Variants in SLC40A1 observed in about 807,000 individuals in gnomAD.
SLC40A1 encodes the protein ferroportin.
In SLC40A1, 16 loss-of-function variants were observed where a neutral mutation model predicts 53.5. That is an observed-to-expected ratio of 0.30 (90% CI 0.20 to 0.45). The LOEUF (loss-of-function observed/expected upper bound fraction) is 0.45. Ranked by LOEUF, SLC40A1 falls within the 20% of genes least tolerant of loss-of-function variation. The pLI is 1.00. For missense variants in SLC40A1, 545 were observed against 695.4 expected (o/e 0.78, Z 2.43); for synonymous variants, 247 against 253.2 (o/e 0.98, Z 0.23).
chr2:189,565,689 G>A, intron 5 of SLC40A1, 90 bp from the exon 6 acceptor site: 1 of 1,530,676 alleles, frequency 6.5e-7, no homozygotes, highest in South Asian at 1.1e-5. Flanking sequence ...TAAACCAAGA[G>A]TATAGATTCC....
intron 7 of SLC40A1, 36 bp downstream of exon 7, chr2:189,563,548 C>T: frequency 6.3e-7 from 1 of 1,588,324 alleles, no homozygotes; most frequent in Non-Finnish European, 8.6e-7. Flanking sequence ...CAAAAAGACA[C>T]TTTAGTTCAT....
In SLC40A1 at chr2:189,565,324, C is replaced by T. The variant is rs1221548872; in HGVS notation, c.760+30G>A. On this transcript the variant is annotated intron_variant, in intron 6 of 7. Coordinates refer to ENST00000261024, the MANE Select transcript of SLC40A1 (RefSeq NM_014585.6). ...AACATTTAAGGTCTGAACATGAGAA[C>T]AAAAGGAGAGATCATTGTGTTCAGT... 7 of 1,613,742 alleles carry T rather than the reference C, an allele frequency of 4.3e-6. No individual in the cohort carries two copies. In the South Asian group the frequency reaches 6.6e-5, roughly 15 times the overall value.
intron 5 of SLC40A1, 117 bp downstream of exon 5, chr2:189,571,598 T>G: frequency 6.7e-7 from 1 of 1,497,312 alleles, no homozygotes. Flanking sequence ...TGCTTTCAAT[T>G]TATCATTCTT....
Position 189,561,884 on chromosome 2 carries a change from A to T in SLC40A1, c.1710T>A (p.Val570=). The T allele has an allele frequency of 6.2e-7, 1 of 1,613,492 alleles. No homozygotes were observed. The highest frequency in any genetic ancestry group is 8.5e-7 in the Non-Finnish European group (1 of 1,179,378). Residue 570 remains valine, a synonymous_variant, in exon 8 of 8, where the codon GTT becomes GTA. Transcript: ENST00000261024. ...VRKENQANTS[V]V Reference sequence around the variant, plus strand: ...TAGCAACAGTTAAACTGTCTCAAACAACAGATGTATTTGCTTGATTTTCCT... The same window carrying T: ...TAGCAACAGTTAAACTGTCTCAAACTACAGATGTATTTGCTTGATTTTCCT...
intron 5 of SLC40A1, among the ~76,000 whole-genome samples, chr2:189,567,674 G>A (rs1041175746): frequency 4.6e-5 from 7 of 152,114 alleles, no homozygotes; most frequent in African/African-American, 1.7e-4. Context: ...ACAGAAGATT[G>A]CCTTTATTCC....
chr2:189,564,007 T>C lies in SLC40A1; in HGVS notation c.979A>G (p.Ile327Val), dbSNP rs2030845781. Residue 327 changes from isoleucine to valine, a missense_variant, in exon 7 of 8, where the codon ATC becomes GTC. Physicochemically the swap from Ile to Val is conservative, Grantham distance 29 (BLOSUM62 3). This residue lies in a region of SLC40A1 where 234 missense variants were observed against 299.0 expected (regional missense o/e 0.78). Transcript: ENST00000261024. ...LYMTVLGFDC[I>V]TTGYAYTQGL... is the part of the protein sequence containing the mutation. The stretch of plus-strand genomic sequence containing the variant: ...TGAGTGTAGGCGTACCCTGTGGTGA[T>C]GCAGTCAAAGCCCAGGACAGTCATA... The C allele has an allele frequency of 1.2e-6, 2 of 1,614,124 alleles. No homozygotes were observed. Among genetic ancestry groups the C allele is most frequent in the Non-Finnish European group, 1.7e-6 (2 of 1,180,002 alleles).
chr2:189,563,496 C>T, intron 7 of SLC40A1, 88 bp downstream of exon 7: 1 of 1,227,878 alleles, frequency 8.1e-7, no homozygotes, highest in Non-Finnish European at 1.1e-6. Flanking sequence ...ATTTAGGGAA[C>T]ATTTCAGATC....
chr2:189,580,410 A>G lies in SLC40A1; in HGVS notation c.43+8T>C. 6.2e-7 allele frequency: 1 copy of G among 1,613,686 alleles called. No homozygotes were observed. The highest frequency in any genetic ancestry group is 8.5e-7 in the Non-Finnish European group (1 of 1,179,968). On this transcript the variant is annotated splice_region_variant and intron_variant, in intron 1 of 7. Coordinates refer to ENST00000261024, the MANE Select transcript of SLC40A1 (RefSeq NM_014585.6). The stretch of plus-strand genomic sequence containing the variant: ...TTCCACCATATGCTTTCGGTCAACG[A>G]CACTCACCACAGCATCCTCTCTGGC...
intron 5 of SLC40A1, among the ~76,000 whole-genome samples, chr2:189,567,833 G>A (rs1335060590): frequency 2.6e-5 from 4 of 152,096 alleles, no homozygotes; most frequent in East Asian, 3.9e-4. Flanking sequence ...GACTGCCACC[G>A]CAGAGGTTTC....
intron 5 of SLC40A1, among the ~76,000 whole-genome samples, chr2:189,566,820 G>A (rs2030953288): frequency 6.6e-6 from 1 of 152,150 alleles, no homozygotes; most frequent in Non-Finnish European, 1.5e-5. Flanking sequence ...GATGAGAGAG[G>A]AGAAACAACT....
chr2:189,567,107 G>A (rs1396262627), intron 5 of SLC40A1, among the ~76,000 whole-genome samples: 1 of 152,178 alleles, frequency 6.6e-6, no homozygotes, highest in Non-Finnish European at 1.5e-5. Flanking sequence ...TTTAAGCTGG[G>A]TAAGAAAGAG....
intron 5 of SLC40A1, among the ~76,000 whole-genome samples, chr2:189,567,346 CA>C (rs1458215977): frequency 6.6e-6 from 1 of 151,882 alleles, no homozygotes; most frequent in East Asian, 1.9e-4. Flanking sequence ...GAGTGCAGGA[CA>C]AAATCAATAA....
chr2:189,575,150 A>T lies in SLC40A1; in HGVS notation c.271+11T>A. The T allele has an allele frequency of 6.2e-7, 1 of 1,613,634 alleles. No individual in the cohort carries two copies. Among genetic ancestry groups the T allele is most frequent in the Non-Finnish European group, 8.5e-7 (1 of 1,179,840 alleles). ...ATGAATAAAAGGGCTTAATTATATA[A>T]CAACACTCACCTTTAAGTCTAGCAT... On this transcript the variant is annotated intron_variant, in intron 3 of 7. Coordinates refer to ENST00000261024, the MANE Select transcript of SLC40A1 (RefSeq NM_014585.6).
intron 7 of SLC40A1, 86 bp downstream of exon 7, chr2:189,563,498 T>C: frequency 7.8e-7 from 1 of 1,276,314 alleles, no homozygotes; most frequent in East Asian, 2.4e-5. Context: ...TTAGGGAACA[T>C]TTCAGATCAT....
At position 189,565,415 on chromosome 2, in the gene SLC40A1, T is replaced by C. The variant is rs766946365; in HGVS notation, c.699A>G (p.Leu233=). The change falls in exon 6 of 8, where the codon CTA becomes CTG. Residue 233 remains leucine (L), a synonymous_variant. Transcript: ENST00000261024. ...CTTCTTTAAGACCAGCTTTCACAGC[T>C]AGAGCTGGGGTTTTCTGGTAAACCT... The part of the protein sequence containing the change: ...LWKVYQKTPA[L]AVKAGLKEEE... 3 of 1,614,208 alleles carry C rather than the reference T, an allele frequency of 1.9e-6. No homozygotes were observed. The South Asian group carries it at 3.3e-5, about 18-fold the overall frequency.
chr2:189,564,553 C>T (rs935206743), intron 6 of SLC40A1, among the ~76,000 whole-genome samples: 2 of 151,868 alleles, frequency 1.3e-5, no homozygotes, highest in Non-Finnish European at 2.9e-5. Context: ...AAAAACACAG[C>T]GTATTGGCCA....
chr2:189,566,458 C>T (rs189123222), intron 5 of SLC40A1, among the ~76,000 whole-genome samples: 1 of 152,032 alleles, frequency 6.6e-6, no homozygotes, highest in Admixed American at 6.5e-5. Flanking sequence ...TATGTTTTGA[C>T]AAAAAGAAGA....
chr2:189,570,962 C>T (rs1287933191), intron 5 of SLC40A1, among the ~76,000 whole-genome samples: 2 of 152,118 alleles, frequency 1.3e-5, no homozygotes, highest in Non-Finnish European at 2.9e-5. Flanking sequence ...CCTCCTTACA[C>T]AGGGGAATTG....
At chr2:189,572,789 CT>C in intron 4 of SLC40A1, 56 bp downstream of exon 4, 4 of 1,264,982 alleles carry the variant, frequency 3.2e-6, no homozygotes, top group Non-Finnish European at 4.6e-6. Flanking sequence ...CATTTTCATC[CT>C]TTACCACTAC....
Sources: gnomAD v4.1 joint callset for allele counts (sites outside exome capture counted in the v4.1 genomes callset) on GRCh38, gnomAD v4.1.1 for gene constraint, gnomAD v4.1.1 regional missense constraint, MANE v1.5 for transcripts, NCBI Gene and HGNC (gene_info 2026-07-23, HGNC 2026-07-21) for gene names.